Variants in RIOK1 observed in about 807,000 individuals in gnomAD.
RIOK1 encodes serine/threonine-protein kinase RIO1.
A neutral mutation model predicts 73.5 loss-of-function variants in RIOK1; 66 were observed. The ratio of observed to expected loss-of-function variants is 0.90; its 90% CI spans 0.74 to 1.10. The LOEUF (loss-of-function observed/expected upper bound fraction) is 1.10. Among genes scored for constraint, RIOK1 ranks in the 50% least tolerant of loss-of-function variants. The probability of loss-of-function intolerance (pLI) is 0.00; values close to 1 mark genes in which losing one functional copy is unlikely to be tolerated. For missense variants in RIOK1, 658 were observed against 699.8 expected, an observed-to-expected ratio of 0.94 and a Z score of 0.67; for synonymous variants, 224 against 226.8, an observed-to-expected ratio of 0.99 and a Z score of 0.11.
intron 5 of RIOK1, among the ~76,000 whole-genome samples, chr6:7,400,451 T>C (rs527453545): frequency 6.6e-6 from 1 of 152,324 alleles, no homozygotes; most frequent in East Asian, 1.9e-4. Context: ...TGAATTGAGA[T>C]GTGCTTTAAA....
rs114514364 is a variant in RIOK1, at chr6:7,390,108, G to T, written c.71+35G>T. The stretch of plus-strand genomic sequence containing the variant: ...CGTACAGTGCCCTGGCTCTGGGTAC[G>T]GCTCTCTCCTTGACCGCCCCCTTGG... On this transcript the variant is annotated intron_variant, in intron 1 of 16. Transcript: ENST00000379834. 2.0e-3 allele frequency: 3,098 copies of T among 1,540,720 alleles called. 42 individuals are homozygous for T. In the African/African-American group the frequency reaches 0.037, roughly 18 times the overall value.
intron 7 of RIOK1, 32 bp downstream of exon 7, chr6:7,402,747 AATTTCT>A: frequency 6.2e-7 from 1 of 1,604,948 alleles, no homozygotes. Context: ...CAGTTGGTTT[AATTTCT>A]ATTTCCTAAA....
Position 7,412,756 on chromosome 6 carries a change from T to A in RIOK1, c.1390-133T>A, listed in dbSNP as rs1413607145. ...ATAAACTTCCTGTGTTACAGTGAGA[T>A]TAATTTTAGATACCTTTTTATAATC... On this transcript the variant is annotated intron_variant, in intron 14 of 16. Coordinates refer to ENST00000379834, the MANE Select transcript of RIOK1 (RefSeq NM_031480.3). 9.4e-6 allele frequency: 4 copies of A among 424,326 alleles called. No homozygotes were observed. The Admixed American group carries it at 1.8e-4, about 19-fold the overall frequency. The allele number at this position is 424,326 out of a possible 1,614,324, so 26.3% of individuals were successfully genotyped here.
At chr6:7,414,647 A>T (rs776920367) in intron 16 of RIOK1, among the ~76,000 whole-genome samples, 1 of 152,196 alleles carries the variant, frequency 6.6e-6, no homozygotes, top group Non-Finnish European at 1.5e-5. Flanking sequence ...CATGAAGTAC[A>T]AGTGATGTTA....
chr6:7,411,587 G>A (rs903727581), intron 14 of RIOK1, 136 bp downstream of exon 14: 6 of 857,100 alleles, frequency 7.0e-6, no homozygotes, highest in Middle Eastern at 2.4e-4. Context: ...AACTCTATCT[G>A]TGTTAACTTG....
chr6:7,396,745 A>T lies in RIOK1; in HGVS notation c.410A>T (p.Glu137Val), dbSNP rs753537215. ...GATTCCGTCATAAATAAAGTCACCG[A>T]AAAGTCTAGACAAAAGGAAGCAGAT... The part of the protein sequence containing the change: ...VTDSVINKVT[E>V]KSRQKEADMY... The change falls in exon 4 of 17, where the codon GAA (glutamate) becomes GTA (valine). Residue 137 changes from glutamate (E) to valine (V), a missense_variant. Physicochemically the swap from Glu to Val is moderately radical, Grantham distance 121. Coordinates refer to ENST00000379834, the MANE Select transcript of RIOK1 (RefSeq NM_031480.3). The T allele has an allele frequency of 6.2e-7, 1 of 1,600,682 alleles. No individual in the cohort carries two copies. Among genetic ancestry groups the T allele is most frequent in the East Asian group, 2.2e-5 (1 of 44,702 alleles).
chr6:7,396,892 GGTGT>G (rs150425917), intron 4 of RIOK1, 120 bp downstream of exon 4: 310 of 415,674 alleles, frequency 7.5e-4, no homozygotes, highest in Admixed American at 1.6e-3. Flanking sequence ...TCATTATTTT[GGTGT>G]GTGTGTGTGT....
intron 4 of RIOK1, among the ~76,000 whole-genome samples, chr6:7,397,495 T>C (rs1464011346): frequency 6.6e-6 from 1 of 152,242 alleles, no homozygotes; most frequent in African/African-American, 2.4e-5. Context: ...AACTGAGAAC[T>C]GTTTCTGTTT....
intron 12 of RIOK1, among the ~76,000 whole-genome samples, chr6:7,405,589 G>T (rs911898895): frequency 2.0e-5 from 3 of 152,102 alleles, no homozygotes; most frequent in Admixed American, 6.5e-5. Context: ...TCGGATTTTG[G>T]AGTATTTCAG....
intron 2 of RIOK1, among the ~76,000 whole-genome samples, chr6:7,394,072 A>G (rs1761408940): frequency 6.6e-6 from 1 of 152,268 alleles, no homozygotes; most frequent in Non-Finnish European, 1.5e-5. Context: ...TTGTAAGGCC[A>G]TAGGATTAAC....
chr6:7,397,999 G>A (rs1027922712), intron 4 of RIOK1, among the ~76,000 whole-genome samples: 2 of 152,118 alleles, frequency 1.3e-5, no homozygotes, highest in East Asian at 1.9e-4. Context: ...AAAATTAGCC[G>A]GGCTTGGCGG....
At position 7,393,224 on chromosome 6, in the gene RIOK1, A is replaced by G; in HGVS notation, c.197A>G (p.Asp66Gly). 1 of 1,613,924 alleles carries G rather than the reference A, an allele frequency of 6.2e-7. No individual in the cohort carries two copies. The highest frequency in any genetic ancestry group is 8.5e-7 in the Non-Finnish European group (1 of 1,179,788). The change falls in exon 2 of 17, where the codon GAT (aspartate) becomes GGT (glycine). Residue 66 changes from aspartate to glycine, a missense_variant. Asp to Gly is a moderately conservative substitution (Grantham distance 94). Transcript: ENST00000379834. ...EDEEEEGYDD[D>G]DDDWDWDEGV... ...GAGGAGGAGGAGGGTTATGACGATG[A>G]TGATGATGACTGGGACTGGGATGAA...
rs1417935754 is a variant in RIOK1 at position 7,405,309 on chromosome 6, C to T, written c.1157C>T (p.Thr386Ile). The change falls in exon 12 of 17, where the codon ACA becomes ATA. Residue 386 changes from threonine (T) to isoleucine (I), a missense_variant. Thr to Ile is a moderately conservative substitution (Grantham distance 89). Transcript: ENST00000379834. ...MTVRELFEFV[T>I]DPSITHENMD... ...GTGCGGGAGCTCTTTGAATTTGTCA[C>T]AGATCCATCCATTACACATGAGAAC... 1 of 1,612,934 alleles carries T rather than the reference C, an allele frequency of 6.2e-7. No individual in the cohort carries two copies. Among genetic ancestry groups the T allele is most frequent in the Non-Finnish European group, 8.5e-7 (1 of 1,179,044 alleles).
At chr6:7,406,396 T>G (rs931212611) in intron 12 of RIOK1, among the ~76,000 whole-genome samples, 14 of 152,226 alleles carry the variant, frequency 9.2e-5, no homozygotes, top group Admixed American at 8.5e-4. Context: ...TCAGTGGCAT[T>G]AAGTACATTC....
chr6:7,417,576 A>G lies in RIOK1; in HGVS notation c.*135A>G, dbSNP rs1762040290. 1 of 522,296 alleles carries G rather than the reference A, an allele frequency of 1.9e-6. No homozygotes were observed. The highest frequency in any genetic ancestry group is 3.9e-5 in the Admixed American group (1 of 25,730). The allele number at this position is 522,296 out of a possible 1,614,324, so 32.4% of individuals were successfully genotyped here. ...GCACTGTCTGTGAAGACGGATTCAA[A>G]TGTTTTCATGTAACTATGTAAAAAG... On this transcript the variant is annotated 3_prime_UTR_variant, in exon 17 of 17. Transcript: ENST00000379834.
Position 7,395,129 on chromosome 6 carries a change from A to G in RIOK1, c.353A>G (p.Asn118Ser), listed in dbSNP as rs1180117970. Reference sequence around the variant, plus strand: ...GACAAGGTCTTACGGAAATTTGAGAATAAAATTAATTTAGGTGAGTTTACA... The same window carrying G: ...GACAAGGTCTTACGGAAATTTGAGAGTAAAATTAATTTAGGTGAGTTTACA... Reference protein sequence around the residue: ...PADKVLRKFENKINLDKLNVT... With the variant: ...PADKVLRKFESKINLDKLNVT... Residue 118 changes from asparagine (N) to serine (S), a missense_variant, in exon 3 of 17, where the codon AAT becomes AGT. Coordinates refer to ENST00000379834, the MANE Select transcript of RIOK1 (RefSeq NM_031480.3). 1.2e-6 allele frequency: 2 copies of G among 1,612,420 alleles called. No homozygotes were observed. Among genetic ancestry groups the G allele is most frequent in the Non-Finnish European group, 8.5e-7 (1 of 1,178,980 alleles).
rs140810129 is a variant in RIOK1, at chr6:7,404,036, A to G, written c.854+9A>G. 6 of 1,564,948 alleles carry G rather than the reference A, an allele frequency of 3.8e-6. No individual in the cohort carries two copies. Among genetic ancestry groups the G allele is most frequent in the Admixed American group, 1.7e-5 (1 of 59,844 alleles). On this transcript the variant is annotated intron_variant, in intron 9 of 16. Coordinates refer to ENST00000379834, the MANE Select transcript of RIOK1 (RefSeq NM_031480.3). ...ATCGGTAAAGATGACATGTAAGTAC[A>G]TGGAAGGGCTAATAATTGCATTCTC...
In RIOK1 at chr6:7,409,207, G is replaced by A. The variant is rs537249953; in HGVS notation, c.1204-1179G>A. 2.9e-4 allele frequency among the ~76,000 whole-genome samples: 40 copies of A among 136,048 alleles called. No homozygotes were observed. The East Asian group carries it at 7.4e-3, about 25-fold the overall frequency. The allele number at this position is 136,048 out of a possible 152,430, so 89.3% of individuals were successfully genotyped here. A position where few individuals can be genotyped will look rare whatever the true frequency, so the allele number is the denominator to read the frequency against. On this transcript the variant is annotated intron_variant, in intron 12 of 16. Coordinates refer to ENST00000379834, the MANE Select transcript of RIOK1 (RefSeq NM_031480.3). Reference sequence around the variant, plus strand: ...ATTACAGGAGCCCACCACCACTCCCGACTAATTGTGTGTGTGTGTGTGTGT... The same window carrying A: ...ATTACAGGAGCCCACCACCACTCCCAACTAATTGTGTGTGTGTGTGTGTGT...
At chr6:7,402,953 C>T in intron 8 of RIOK1, 56 bp downstream of exon 8, 1 of 1,495,958 alleles carries the variant, frequency 6.7e-7, no homozygotes, top group Non-Finnish European at 9.2e-7. Flanking sequence ...GAACATCAGC[C>T]CTTCCTCCCA....
Sources: allele counts gnomAD v4.1 joint callset (sites outside exome capture counted in the v4.1 genomes callset), GRCh38; gene constraint gnomAD v4.1.1; transcripts MANE v1.5; gene names NCBI Gene and HGNC (gene_info 2026-07-23, HGNC 2026-07-21).